MTUS2: variants seen among roughly 807,000 people sequenced by gnomAD.
MTUS2 encodes microtubule associated scaffold protein 2.
Under a neutral mutation model 114.1 loss-of-function variants are expected in MTUS2, and 40 were observed. That is an observed-to-expected ratio of 0.35 (90% CI 0.27 to 0.46). MTUS2 has a LOEUF of 0.46. MTUS2 is among the 20% of genes least tolerant of loss of function. The pLI is 1.00. For synonymous variants in MTUS2, 688 were observed against 672.0 expected (o/e 1.02, Z -0.37); for missense variants, 1,679 against 1,705.4 (o/e 0.98, Z 0.27).
intron 7 of MTUS2, among the ~76,000 whole-genome samples, chr13:29,358,373 C>T (rs545453685): frequency 6.0e-4 from 91 of 152,314 alleles, no homozygotes; most frequent in African/African-American, 2.2e-3. Flanking sequence ...ATGCCCAAAA[C>T]CCTGTCCTCA....
intron 8 of MTUS2, among the ~76,000 whole-genome samples, chr13:29,382,232 G>A (rs1438919532): frequency 6.6e-6 from 1 of 152,184 alleles, no homozygotes; most frequent in African/African-American, 2.4e-5. Context: ...CCTAAGCAGT[G>A]GTGGAGACCC....
intron 4 of MTUS2, among the ~76,000 whole-genome samples, chr13:29,038,805 G>A (rs894078797): frequency 3.3e-5 from 5 of 152,240 alleles, no homozygotes; most frequent in African/African-American, 9.6e-5. Flanking sequence ...GGTGGGCTCC[G>A]CCCAGCTCGA....
chr13:29,173,273 A>G (rs957691034), intron 5 of MTUS2, among the ~76,000 whole-genome samples: 2 of 152,092 alleles, frequency 1.3e-5, no homozygotes, highest in African/African-American at 4.8e-5. Context: ...TTATTTGGCA[A>G]TTTCAAGTCC....
At chr13:28,851,965 A>G (rs909470411) in intron 2 of MTUS2, among the ~76,000 whole-genome samples, 2 of 152,166 alleles carry the variant, frequency 1.3e-5, no homozygotes. Context: ...TAGCACTCTC[A>G]TGTTCACACT....
At chr13:29,151,174 C>A (rs1892650254) in intron 5 of MTUS2, among the ~76,000 whole-genome samples, 3 of 152,256 alleles carry the variant, frequency 2.0e-5, no homozygotes, top group South Asian at 2.1e-4. Flanking sequence ...AGTCCATGAA[C>A]ATGAAATGTT....
intron 2 of MTUS2, among the ~76,000 whole-genome samples, chr13:28,933,431 C>G (rs891438655): frequency 6.6e-6 from 1 of 152,200 alleles, no homozygotes; most frequent in African/African-American, 2.4e-5. Context: ...TAAGGCCAAC[C>G]CACATTATGA....
chr13:29,084,246 T>G (rs1213068434), intron 4 of MTUS2, among the ~76,000 whole-genome samples: 1 of 152,154 alleles, frequency 6.6e-6, no homozygotes, highest in Non-Finnish European at 1.5e-5. Context: ...TATAAATTCT[T>G]TTAGTAAATT....
chr13:28,925,442 A>G (rs1483519032), intron 2 of MTUS2, among the ~76,000 whole-genome samples: 1 of 152,346 alleles, frequency 6.6e-6, no homozygotes, highest in East Asian at 1.9e-4. Flanking sequence ...ATACTTGATT[A>G]TCCTTTATGA....
intron 5 of MTUS2, among the ~76,000 whole-genome samples, chr13:29,201,511 A>G (rs1431245871): frequency 6.6e-6 from 1 of 152,080 alleles, no homozygotes; most frequent in Non-Finnish European, 1.5e-5. Context: ...ATTTACATTT[A>G]TGGTTAATAT....
intron 4 of MTUS2, among the ~76,000 whole-genome samples, chr13:29,064,014 C>G (rs536230152): frequency 6.6e-6 from 1 of 152,310 alleles, no homozygotes; most frequent in South Asian, 2.1e-4. Context: ...AGCATGAGGC[C>G]TGGGGGCGCA....
chr13:28,877,435 A>G (rs3001940), intron 2 of MTUS2, among the ~76,000 whole-genome samples: 36,913 of 152,122 alleles, frequency 0.24, 6,990 homozygotes, highest in African/African-American at 0.53. Context: ...TATTCAGATA[A>G]CTTTGCTTGC....
At chr13:28,852,210 CTG>C (rs1328152355) in intron 2 of MTUS2, among the ~76,000 whole-genome samples, 2 of 152,204 alleles carry the variant, frequency 1.3e-5, no homozygotes, top group Non-Finnish European at 2.9e-5. Flanking sequence ...TGGTGCCCCT[CTG>C]TGTTCCCTGC....
chr13:28,993,265 C>A (rs1320922792), intron 2 of MTUS2, among the ~76,000 whole-genome samples: 1 of 152,144 alleles, frequency 6.6e-6, no homozygotes, highest in Non-Finnish European at 1.5e-5. Flanking sequence ...AGTGGGATTG[C>A]TGGATCATGT....
intron 9 of MTUS2, among the ~76,000 whole-genome samples, chr13:29,447,792 A>G (rs79123680): frequency 0.074 from 11,187 of 152,036 alleles, 472 homozygotes; most frequent in African/African-American, 0.11. Context: ...ACCAGAATCC[A>G]GCACCACACC....
chr13:29,372,255 G>A (rs555708288), intron 8 of MTUS2, among the ~76,000 whole-genome samples: 2 of 151,872 alleles, frequency 1.3e-5, no homozygotes, highest in South Asian at 2.1e-4. Flanking sequence ...GATTTATCAC[G>A]TCTAGCAGCA....
At chr13:29,191,369 A>C (rs1894442526) in intron 5 of MTUS2, among the ~76,000 whole-genome samples, 1 of 152,142 alleles carries the variant, frequency 6.6e-6, no homozygotes. Flanking sequence ...AATTACAGCT[A>C]TAAAAACAAT....
chr13:28,865,091 CTGTA>C (rs1593255618), intron 2 of MTUS2, among the ~76,000 whole-genome samples: 1 of 151,880 alleles, frequency 6.6e-6, no homozygotes. Context: ...ATGTGTGTGT[CTGTA>C]TGTATGTGTA....
At chr13:29,079,758 T>C (rs1358708199) in intron 4 of MTUS2, among the ~76,000 whole-genome samples, 1 of 152,236 alleles carries the variant, frequency 6.6e-6, no homozygotes, top group East Asian at 1.9e-4. Flanking sequence ...GCTATATGTC[T>C]ATCTTTATGC....
At chr13:29,048,330 A>G (rs144189824) in intron 4 of MTUS2, among the ~76,000 whole-genome samples, 1 of 152,172 alleles carries the variant, frequency 6.6e-6, no homozygotes, top group Non-Finnish European at 1.5e-5. Flanking sequence ...AATTCTATCA[A>G]CTGTGTCATT....
Sources: allele counts gnomAD v4.1 joint callset (sites outside exome capture counted in the v4.1 genomes callset), GRCh38; gene constraint gnomAD v4.1.1; transcripts MANE v1.5; gene names NCBI Gene and HGNC (gene_info 2026-07-23, HGNC 2026-07-21).